NEBL: variants seen among roughly 807,000 people sequenced by gnomAD.
The protein encoded by NEBL is nebulette.
NEBL carries 122 observed loss-of-function variants against 140.2 expected under a neutral mutation model. The ratio of observed to expected loss-of-function variants is 0.87; its 90% confidence interval spans 0.75 to 1.01. The LOEUF is 1.01. Ranked by LOEUF, NEBL falls within the 50% of genes least tolerant of loss-of-function variation. The pLI is 0.00. For missense variants in NEBL, 1,365 were observed against 1,231.3 expected (o/e 1.11, Z -1.62); for synonymous variants, 436 against 398.9 (o/e 1.09, Z -1.11).
intron 3 of NEBL, among the ~76,000 whole-genome samples, chr10:21,241,456 A>G (rs1842439526): frequency 1.3e-5 from 2 of 152,112 alleles, no homozygotes; most frequent in South Asian, 2.1e-4. Context: ...TACTTCAAGC[A>G]TTCCCCTAGA....
At chr10:21,251,651 G>C (rs1290057416) in intron 2 of NEBL, among the ~76,000 whole-genome samples, 1 of 152,034 alleles carries the variant, frequency 6.6e-6, no homozygotes, top group Non-Finnish European at 1.5e-5. Context: ...AATGGCATTT[G>C]GAAGTAGGGC....
rs1836612318 is a variant in NEBL at position 21,086,004 on chromosome 10, C to T, written c.165-65803G>A. On this transcript the variant is annotated intron_variant, in intron 2 of 6. Transcript: ENST00000417816. ...GTATCTGTACTTTTCCTTGTCTTCACAGTACTTCTTTGATAAGATGTACTT... is the reference window on the plus strand; with the variant it reads ...GTATCTGTACTTTTCCTTGTCTTCATAGTACTTCTTTGATAAGATGTACTT... Among the ~76,000 whole-genome samples the T allele has an allele frequency of 2.0e-5, 3 of 151,840 alleles. No homozygotes were observed. The South Asian group carries it at 6.2e-4, about 32-fold the overall frequency.
At chr10:21,096,964 A>G (rs1362668448) in intron 2 of NEBL, among the ~76,000 whole-genome samples, 2 of 151,958 alleles carry the variant, frequency 1.3e-5, no homozygotes, top group African/African-American at 2.4e-5. Flanking sequence ...AAAAGGCTCA[A>G]TCAAAAATCT....
At chr10:21,002,011 G>A (rs1394290431) in intron 3 of NEBL, among the ~76,000 whole-genome samples, 1 of 152,110 alleles carries the variant, frequency 6.6e-6, no homozygotes, top group African/African-American at 2.4e-5. Flanking sequence ...TAGTAATTAA[G>A]GTGATTTGTT....
chr10:21,267,038 G>A (rs1012352667), intron 1 of NEBL, among the ~76,000 whole-genome samples: 3 of 151,828 alleles, frequency 2.0e-5, no homozygotes, highest in Non-Finnish European at 4.4e-5. Flanking sequence ...GCAACGGCGC[G>A]ATCTCGGCTC....
At chr10:20,916,357 A>G (rs1848555711) in intron 4 of NEBL, among the ~76,000 whole-genome samples, 1 of 152,206 alleles carries the variant, frequency 6.6e-6, no homozygotes, top group South Asian at 2.1e-4. Context: ...ATTACGAAAT[A>G]TTTCTTAGAT....
chr10:21,234,251 G>A (rs962147097), intron 3 of NEBL, among the ~76,000 whole-genome samples: 14 of 152,030 alleles, frequency 9.2e-5, no homozygotes, highest in Non-Finnish European at 1.6e-4. Context: ...TGTAATCCCC[G>A]GTGTTGGAGG....
At chr10:20,850,753 C>A (rs1346277248) in intron 10 of NEBL, among the ~76,000 whole-genome samples, 1 of 152,084 alleles carries the variant, frequency 6.6e-6, no homozygotes, top group African/African-American at 2.4e-5. Context: ...TTGTATAAAG[C>A]ATCTTGTCAA....
chr10:21,222,364 C>A (rs10828214), intron 3 of NEBL, among the ~76,000 whole-genome samples: 41,148 of 151,506 alleles, frequency 0.27, 10,724 homozygotes, highest in African/African-American at 0.69. Flanking sequence ...AGAATAATTC[C>A]TTTAAATTAC....
intron 2 of NEBL, among the ~76,000 whole-genome samples, chr10:20,896,242 T>C (rs1847463049): frequency 6.6e-6 from 1 of 152,064 alleles, no homozygotes; most frequent in African/African-American, 2.4e-5. Flanking sequence ...TTCTCATCCC[T>C]GGTGAGCAAC....
At chr10:21,088,779 A>C (rs1051405405) in intron 2 of NEBL, among the ~76,000 whole-genome samples, 3 of 152,202 alleles carry the variant, frequency 2.0e-5, no homozygotes, top group Admixed American at 6.5e-5. Flanking sequence ...AACCACTACC[A>C]ACTGGCAGAG....
chr10:20,862,916 T>C (rs1365486497), intron 7 of NEBL, among the ~76,000 whole-genome samples: 1 of 152,174 alleles, frequency 6.6e-6, no homozygotes, highest in African/African-American at 2.4e-5. Flanking sequence ...AGTAGGTGTA[T>C]GTATTATATT....
chr10:20,996,405 T>A (rs1837666973), intron 3 of NEBL, among the ~76,000 whole-genome samples: 1 of 152,194 alleles, frequency 6.6e-6, no homozygotes, highest in South Asian at 2.1e-4. Context: ...ATGCAGAGTA[T>A]CCTGAAGACA....
chr10:20,853,633 A>G (rs1842758314), intron 9 of NEBL, among the ~76,000 whole-genome samples: 1 of 150,072 alleles, frequency 6.7e-6, no homozygotes, highest in African/African-American at 2.5e-5. Context: ...ACAAAAAATA[A>G]AGAAATCAGC....
intron 3 of NEBL, among the ~76,000 whole-genome samples, chr10:20,968,189 G>A: frequency 6.6e-6 from 1 of 152,018 alleles, no homozygotes; most frequent in Non-Finnish European, 1.5e-5. Context: ...GAGTGTAAAA[G>A]GGTGGTGTTA....
intron 13 of NEBL, among the ~76,000 whole-genome samples, chr10:20,839,027 G>A (rs529845511): frequency 6.6e-6 from 1 of 152,120 alleles, no homozygotes; most frequent in Non-Finnish European, 1.5e-5. Context: ...CGAACCCATA[G>A]TATCTCCACA....
intron 3 of NEBL, among the ~76,000 whole-genome samples, chr10:21,230,293 T>G (rs889705255): frequency 6.6e-6 from 1 of 152,134 alleles, no homozygotes; most frequent in Non-Finnish European, 1.5e-5. Context: ...CATTTTCTCA[T>G]TCTCAACTTC....
intron 3 of NEBL, among the ~76,000 whole-genome samples, chr10:21,197,424 T>C (rs764551709): frequency 1.1e-4 from 17 of 152,310 alleles, no homozygotes; most frequent in Middle Eastern, 3.4e-3. Context: ...TAAACATTGA[T>C]CCATGTTTGT....
intron 2 of NEBL, among the ~76,000 whole-genome samples, chr10:21,060,945 C>CA (rs1282719825): frequency 1.3e-5 from 2 of 152,158 alleles, no homozygotes; most frequent in African/African-American, 4.8e-5. Context: ...CTCTTACTGT[C>CA]AGCCTTACTG....
Sources: gnomAD v4.1 joint callset for allele counts (sites outside exome capture counted in the v4.1 genomes callset) on GRCh38, gnomAD v4.1.1 for gene constraint, MANE v1.5 for transcripts, NCBI Gene and HGNC (gene_info 2026-07-23, HGNC 2026-07-21) for gene names.